Variants in RCSD1 observed in about 807,000 individuals in gnomAD.
RCSD1 encodes the protein RCSD domain containing 1, also known as capZ-interacting protein.
RCSD1 carries 26 observed loss-of-function variants against 42.5 expected under a neutral mutation model. The observed-to-expected ratio is 0.61, with a 90% CI of 0.45 to 0.85. RCSD1 has a LOEUF of 0.85. Among genes scored for constraint, RCSD1 ranks in the 40% least tolerant of loss-of-function variants. The pLI is 0.00. For missense variants in RCSD1, 571 were observed against 528.3 expected, an observed-to-expected ratio of 1.08 and a Z score of -0.79; for synonymous variants, 220 against 212.2, an observed-to-expected ratio of 1.04 and a Z score of -0.32.
At chr1:167,650,964 T>C (rs1658285763) in intron 1 of RCSD1, among the ~76,000 whole-genome samples, 1 of 152,176 alleles carries the variant, frequency 6.6e-6, no homozygotes, top group Non-Finnish European at 1.5e-5. Flanking sequence ...AGGCTAGAAA[T>C]GTGAGACGGA....
intron 1 of RCSD1, among the ~76,000 whole-genome samples, chr1:167,634,726 G>A (rs1229393): frequency 0.66 from 100,210 of 152,064 alleles, 33,375 homozygotes; most frequent in East Asian, 0.83. Flanking sequence ...CTGAAAAAAA[G>A]TCATAAATTT....
intron 3 of RCSD1, among the ~76,000 whole-genome samples, chr1:167,687,841 CAA>C (rs1420084363): frequency 2.0e-5 from 3 of 152,198 alleles, no homozygotes; most frequent in African/African-American, 4.8e-5. Context: ...GCAGGGTGAC[CAA>C]GAGTTACCCC....
chr1:167,637,760 A>T (rs1657897457), intron 1 of RCSD1, among the ~76,000 whole-genome samples: 1 of 150,884 alleles, frequency 6.6e-6, no homozygotes, highest in Admixed American at 6.6e-5. Context: ...ACACACACAC[A>T]CACACCCCTT....
intron 1 of RCSD1, among the ~76,000 whole-genome samples, chr1:167,657,466 A>G (rs556854132): frequency 2.6e-4 from 40 of 152,360 alleles, no homozygotes; most frequent in Middle Eastern, 6.8e-3. Flanking sequence ...ATTTTTAAAA[A>G]TATGTTTAGG....
intron 1 of RCSD1, among the ~76,000 whole-genome samples, chr1:167,668,541 T>C (rs1013705322): frequency 3.9e-5 from 6 of 152,132 alleles, no homozygotes; most frequent in African/African-American, 1.4e-4. Context: ...CTTTTCCTCT[T>C]CAGCATTTAT....
rs1190555685 is a variant in RCSD1 at position 167,694,186 on chromosome 1, A to G, written c.358A>G (p.Ser120Gly). The G allele has an allele frequency of 6.2e-7, 1 of 1,614,156 alleles. No individual in the cohort carries two copies. ...GLKAMVSPFHSPPSTPSSPGV... is the reference protein window; with the variant it reads ...GLKAMVSPFHGPPSTPSSPGV... Reference sequence around the variant, plus strand: ...CAAGGCTATGGTGTCGCCATTTCACAGCCCACCTTCTACCCCCAGCAGCCC... The same window carrying G: ...CAAGGCTATGGTGTCGCCATTTCACGGCCCACCTTCTACCCCCAGCAGCCC... Residue 120 changes from serine to glycine, a missense_variant, in exon 5 of 7, where the codon AGC becomes GGC. Ser to Gly is a moderately conservative substitution (Grantham distance 56). Coordinates refer to ENST00000367854, the MANE Select transcript of RCSD1 (RefSeq NM_052862.4).
At chr1:167,666,089 G>A (rs1658650201) in intron 1 of RCSD1, among the ~76,000 whole-genome samples, 1 of 152,238 alleles carries the variant, frequency 6.6e-6, no homozygotes, top group South Asian at 2.1e-4. Flanking sequence ...TGGGATTACA[G>A]GCGTAAGCCA....
intron 1 of RCSD1, among the ~76,000 whole-genome samples, chr1:167,631,823 C>T (rs143449236): frequency 6.7e-4 from 102 of 152,314 alleles, no homozygotes; most frequent in African/African-American, 2.4e-3. Context: ...CTGTGCTTGC[C>T]GGCAAAGCTT....
At chr1:167,649,273 T>C (rs1658244199) in intron 1 of RCSD1, among the ~76,000 whole-genome samples, 1 of 152,102 alleles carries the variant, frequency 6.6e-6, no homozygotes, top group Non-Finnish European at 1.5e-5. Context: ...ATTGAGTTGG[T>C]AAGCCAGGCA....
chr1:167,642,099 T>C (rs1658019874), intron 1 of RCSD1: 1 of 152,236 alleles, frequency 6.6e-6, no homozygotes, highest in Non-Finnish European at 1.5e-5. Flanking sequence ...AAATGCTCTC[T>C]TTTGGAAGGT....
In RCSD1 at chr1:167,694,205, G is replaced by T; in HGVS notation, c.377G>T (p.Ser126Ile). 6.2e-7 allele frequency: 1 copy of T among 1,614,216 alleles called. No homozygotes were observed. Among genetic ancestry groups the T allele is most frequent in the Non-Finnish European group, 8.5e-7 (1 of 1,180,036 alleles). Reference protein sequence around the residue: ...SPFHSPPSTPSSPGVRSRPSE... With the variant: ...SPFHSPPSTPISPGVRSRPSE... ...TTTCACAGCCCACCTTCTACCCCCA[G>T]CAGCCCTGGTGTGCGATCTAGGCCC... The change falls in exon 5 of 7, where the codon AGC becomes ATC. Residue 126 changes from serine to isoleucine, a missense_variant. By Grantham distance (142) the Ser-to-Ile change is moderately radical. Coordinates refer to ENST00000367854, the MANE Select transcript of RCSD1 (RefSeq NM_052862.4).
chr1:167,685,021 G>A (rs181919803), intron 2 of RCSD1, among the ~76,000 whole-genome samples: 1 of 152,328 alleles, frequency 6.6e-6, no homozygotes, highest in East Asian at 1.9e-4. Context: ...CCATCTGAAA[G>A]ATCAGGTTCA....
chr1:167,689,213 C>T (rs1355446158), intron 3 of RCSD1, among the ~76,000 whole-genome samples: 1 of 152,014 alleles, frequency 6.6e-6, no homozygotes, highest in Non-Finnish European at 1.5e-5. Flanking sequence ...TCAGGCTGGG[C>T]GTGGTGGCTC....
intron 1 of RCSD1, among the ~76,000 whole-genome samples, chr1:167,636,043 T>A (rs1358539237): frequency 1.3e-5 from 2 of 152,222 alleles, no homozygotes; most frequent in Non-Finnish European, 2.9e-5. Context: ...CAGACCCGAA[T>A]GAACACTGTC....
At chr1:167,695,580 C>T (rs1193109376) in intron 5 of RCSD1, among the ~76,000 whole-genome samples, 2 of 150,120 alleles carry the variant, frequency 1.3e-5, no homozygotes, top group Non-Finnish European at 3.0e-5. Flanking sequence ...CCTCTGTCAC[C>T]CAGGCTGGAG....
chr1:167,661,229 A>G (rs565723258), intron 1 of RCSD1, among the ~76,000 whole-genome samples: 3 of 152,388 alleles, frequency 2.0e-5, no homozygotes, highest in Admixed American at 6.5e-5. Context: ...TTACAGAGGA[A>G]GAAAATGAAG....
chr1:167,676,119 T>C (rs1472149124), intron 1 of RCSD1, among the ~76,000 whole-genome samples: 2 of 152,168 alleles, frequency 1.3e-5, no homozygotes, highest in African/African-American at 4.8e-5. Flanking sequence ...ACTACTATCA[T>C]CATCATTCCG....
intron 1 of RCSD1, among the ~76,000 whole-genome samples, chr1:167,672,794 A>G (rs1658841832): frequency 6.6e-6 from 1 of 152,240 alleles, no homozygotes; most frequent in Non-Finnish European, 1.5e-5. Context: ...TTATTCTGCT[A>G]CCATACTGAC....
At chr1:167,650,305 G>C (rs969180593) in intron 1 of RCSD1, among the ~76,000 whole-genome samples, 1 of 152,244 alleles carries the variant, frequency 6.6e-6, no homozygotes, top group African/African-American at 2.4e-5. Flanking sequence ...GGATGTGTGT[G>C]TGTTGGGGTG....
Sources: gnomAD v4.1 joint callset for allele counts (sites outside exome capture counted in the v4.1 genomes callset) on GRCh38, gnomAD v4.1.1 for gene constraint, MANE v1.5 for transcripts, NCBI Gene and HGNC (gene_info 2026-07-23, HGNC 2026-07-21) for gene names.